Variants in CDK14 observed in about 807,000 individuals in gnomAD.
CDK14 encodes cyclin-dependent kinase 14.
In CDK14, 34 loss-of-function variants were observed where a neutral mutation model predicts 60.7. The ratio of observed to expected loss-of-function variants is 0.56; its 90% confidence interval spans 0.43 to 0.75. The LOEUF is 0.75. Among genes scored for constraint, CDK14 ranks in the 30% least tolerant of loss-of-function variants. The pLI is 0.00. For synonymous variants in CDK14, 197 were observed against 203.7 expected, an observed-to-expected ratio of 0.97 and a Z score of 0.28; for missense variants, 482 against 564.1, an observed-to-expected ratio of 0.85 and a Z score of 1.47.
intron 2 of CDK14, among the ~76,000 whole-genome samples, chr7:90,716,605 C>A (rs1198266954): frequency 6.6e-6 from 1 of 152,034 alleles, no homozygotes; most frequent in Non-Finnish European, 1.5e-5. Flanking sequence ...CATTCCAATT[C>A]CATGGTTGTT....
At chr7:91,012,817 A>G (rs1796198799) in intron 10 of CDK14, among the ~76,000 whole-genome samples, 1 of 152,208 alleles carries the variant, frequency 6.6e-6, no homozygotes, top group African/African-American at 2.4e-5. Flanking sequence ...TCAAAGGGTA[A>G]AGATAGAGAG....
intron 5 of CDK14, among the ~76,000 whole-genome samples, chr7:90,815,059 G>T (rs1186263036): frequency 1.3e-5 from 2 of 152,004 alleles, no homozygotes; most frequent in Admixed American, 6.6e-5. Context: ...TTTTGTTGTT[G>T]TTGTTTTATT....
At chr7:90,912,262 C>G (rs1024411063) in intron 7 of CDK14, among the ~76,000 whole-genome samples, 3 of 152,082 alleles carry the variant, frequency 2.0e-5, no homozygotes, top group Non-Finnish European at 4.4e-5. Flanking sequence ...TGTCTTCTCT[C>G]ATGTTATCTA....
At chr7:90,870,273 T>C (rs907412012) in intron 6 of CDK14, among the ~76,000 whole-genome samples, 3 of 152,166 alleles carry the variant, frequency 2.0e-5, no homozygotes, top group Admixed American at 1.3e-4. Flanking sequence ...TTCTGACTTA[T>C]AAGTGGGAGC....
intron 10 of CDK14, among the ~76,000 whole-genome samples, chr7:91,003,518 G>A (rs1327362716): frequency 1.3e-5 from 2 of 152,170 alleles, no homozygotes; most frequent in East Asian, 3.8e-4. Context: ...GCTGGTAGAT[G>A]GATGGGCTGT....
At chr7:90,811,198 G>A (rs1022462651) in intron 5 of CDK14, among the ~76,000 whole-genome samples, 2 of 152,076 alleles carry the variant, frequency 1.3e-5, no homozygotes, top group Admixed American at 6.6e-5. Flanking sequence ...GAGGCATCAT[G>A]CTACCTGACT....
chr7:91,062,812 T>A (rs1584279206), intron 11 of CDK14, among the ~76,000 whole-genome samples: 1 of 152,162 alleles, frequency 6.6e-6, no homozygotes, highest in Non-Finnish European at 1.5e-5. Context: ...TGGCAATTAC[T>A]ACACCTGTGT....
intron 14 of CDK14, among the ~76,000 whole-genome samples, chr7:91,147,495 G>A (rs1461149665): frequency 1.3e-5 from 2 of 152,170 alleles, no homozygotes; most frequent in Middle Eastern, 3.4e-3. Context: ...TGTCTTTGAT[G>A]AAGAACCTTG....
At chr7:91,134,281 T>C (rs1800204135) in intron 14 of CDK14, among the ~76,000 whole-genome samples, 1 of 152,202 alleles carries the variant, frequency 6.6e-6, no homozygotes, top group South Asian at 2.1e-4. Context: ...CAACAGCTTG[T>C]AGCTAAAGTC....
chr7:90,963,873 G>T (rs1461847246), intron 9 of CDK14, among the ~76,000 whole-genome samples: 3 of 151,654 alleles, frequency 2.0e-5, no homozygotes, highest in African/African-American at 7.3e-5. Flanking sequence ...CCACTACCAC[G>T]CCTGGCTAAT....
Position 90,860,146 on chromosome 7 carries a change from G to C in CDK14, c.545-3029G>C, listed in dbSNP as rs116685749. On this transcript the variant is annotated intron_variant, in intron 5 of 14. Coordinates refer to ENST00000380050, the MANE Select transcript of CDK14 (RefSeq NM_001287135.2). The stretch of plus-strand genomic sequence containing the variant: ...CTCAAATTAATACTCATGCTTATGA[G>C]TGTATAAATGCTCATATATTGATTT... Among the ~76,000 whole-genome samples the C allele has an allele frequency of 6.0e-3, 906 of 152,186 alleles. 15 individuals carry two copies. The highest frequency in any genetic ancestry group is 0.021 in the African/African-American group (857 of 41,540).
chr7:90,644,488 G>C (rs897343547), intron 2 of CDK14, among the ~76,000 whole-genome samples: 8 of 152,062 alleles, frequency 5.3e-5, no homozygotes, highest in African/African-American at 1.9e-4. Flanking sequence ...GTCTAATTTA[G>C]GTAACAGCTC....
At chr7:91,177,914 C>T (rs1276387415) in intron 14 of CDK14, among the ~76,000 whole-genome samples, 3 of 145,288 alleles carry the variant, frequency 2.1e-5, no homozygotes, top group Non-Finnish European at 4.5e-5. Context: ...CAATGCCATC[C>T]CCATCAAGCT....
At chr7:91,013,078 C>T (rs1796206594) in intron 10 of CDK14, among the ~76,000 whole-genome samples, 2 of 152,156 alleles carry the variant, frequency 1.3e-5, no homozygotes, top group Non-Finnish European at 2.9e-5. Flanking sequence ...TACTACCTAA[C>T]CTGATTGATC....
intron 14 of CDK14, among the ~76,000 whole-genome samples, chr7:91,150,967 TG>T (rs2115685057): frequency 6.6e-6 from 1 of 152,344 alleles, no homozygotes; most frequent in Admixed American, 6.5e-5. Context: ...GCCTCATTAA[TG>T]CATAAAGTAT....
At chr7:90,681,847 G>A (rs1801325238) in intron 2 of CDK14, among the ~76,000 whole-genome samples, 1 of 152,124 alleles carries the variant, frequency 6.6e-6, no homozygotes, top group Non-Finnish European at 1.5e-5. Context: ...GGAAAAAATA[G>A]CTCAATTCCT....
intron 9 of CDK14, among the ~76,000 whole-genome samples, chr7:90,982,131 T>A (rs1795244146): frequency 6.6e-6 from 1 of 152,140 alleles, no homozygotes; most frequent in South Asian, 2.1e-4. Flanking sequence ...GTGGGAACTG[T>A]GAGCATGGCA....
chr7:91,027,024 A>G (rs1460223472), intron 10 of CDK14, among the ~76,000 whole-genome samples: 1 of 152,144 alleles, frequency 6.6e-6, no homozygotes, highest in East Asian at 1.9e-4. Context: ...AACTGTGGAG[A>G]TAACAGTATC....
intron 6 of CDK14, among the ~76,000 whole-genome samples, chr7:90,895,032 CA>C (rs982554785): frequency 1.1e-4 from 17 of 151,932 alleles, no homozygotes; most frequent in African/African-American, 4.1e-4. Context: ...CCTAGTTTGA[CA>C]ATGTGTTTTA....
Sources: gnomAD v4.1 joint callset for allele counts (sites outside exome capture counted in the v4.1 genomes callset) on GRCh38, gnomAD v4.1.1 for gene constraint, MANE v1.5 for transcripts, NCBI Gene and HGNC (gene_info 2026-07-23, HGNC 2026-07-21) for gene names.